The following UBE2QL1 variants were observed in gnomAD, a reference collection of about 807,000 sequenced individuals.
UBE2QL1 encodes the protein ubiquitin conjugating enzyme E2 QL1.
UBE2QL1 carries 5 observed loss-of-function variants against 12.6 expected under a neutral mutation model. The observed-to-expected ratio is 0.40, with a 90% confidence interval of 0.21 to 0.83. The LOEUF is 0.83. Among genes scored for constraint, UBE2QL1 ranks in the 40% least tolerant of loss-of-function variants. The pLI, the probability that UBE2QL1 is intolerant of heterozygous loss-of-function variation, is 0.37. For missense variants in UBE2QL1, 99 were observed against 222.6 expected, an observed-to-expected ratio of 0.44 and a Z score of 3.53; for synonymous variants, 96 against 94.5, an observed-to-expected ratio of 1.02 and a Z score of -0.10.
chr5:6,470,420 A>T (rs186859213), intron 1 of UBE2QL1, among the ~76,000 whole-genome samples: 250 of 152,332 alleles, frequency 1.6e-3, no homozygotes, highest in African/African-American at 5.8e-3. Flanking sequence ...TGATTATAGA[A>T]AATAGTACAT....
At position 6,492,543 on chromosome 5, in the gene UBE2QL1, C is replaced by T. The variant is rs968147151; in HGVS notation, c.*1194C>T. 2.0e-5 allele frequency: 3 copies of T among 152,164 alleles called. No individual in the cohort carries two copies. Among genetic ancestry groups the T allele is most frequent in the Non-Finnish European group, 4.4e-5 (3 of 68,036 alleles). 9.4% of individuals were successfully genotyped at this position (152,164 alleles called of 1,614,324 possible). On this transcript the variant is annotated 3_prime_UTR_variant, in exon 2 of 2. Coordinates refer to ENST00000399816, the MANE Select transcript of UBE2QL1 (RefSeq NM_001145161.3). ...AGGAAAGAAGTAAAAATGTTCATTC[C>T]AAGTGGCAAGTCTTATTGGACACAT...
chr5:6,475,494 T>G (rs1734211237), intron 1 of UBE2QL1, among the ~76,000 whole-genome samples: 1 of 152,224 alleles, frequency 6.6e-6, no homozygotes, highest in Admixed American at 6.5e-5. Context: ...CTGGGTTTCA[T>G]TTACATCACC....
intron 1 of UBE2QL1, among the ~76,000 whole-genome samples, chr5:6,463,395 G>A (rs272477): frequency 0.96 from 145,396 of 152,168 alleles, 69,802 homozygotes; most frequent in Middle Eastern, 1. Context: ...GGAGGCTGGC[G>A]TGTCCTTGGT....
chr5:6,466,028 C>T (rs1739782760), intron 1 of UBE2QL1, among the ~76,000 whole-genome samples: 2 of 152,142 alleles, frequency 1.3e-5, no homozygotes, highest in South Asian at 4.1e-4. Flanking sequence ...CCTCTATCCT[C>T]CCTTCCTGCC....
intron 1 of UBE2QL1, among the ~76,000 whole-genome samples, chr5:6,467,923 G>A (rs969109362): frequency 1.3e-5 from 2 of 151,912 alleles, no homozygotes; most frequent in African/African-American, 4.8e-5. Flanking sequence ...TCACTGTATC[G>A]CCTTTATCTC....
chr5:6,456,362 AC>A (rs1739522890), intron 1 of UBE2QL1, among the ~76,000 whole-genome samples: 1 of 152,178 alleles, frequency 6.6e-6, no homozygotes, highest in Non-Finnish European at 1.5e-5. Context: ...CTTAGAGGAA[AC>A]ACTCTACTTA....
At chr5:6,465,233 A>G (rs1037316437) in intron 1 of UBE2QL1, among the ~76,000 whole-genome samples, 1 of 152,146 alleles carries the variant, frequency 6.6e-6, no homozygotes, top group Non-Finnish European at 1.5e-5. Flanking sequence ...GTGATCTACC[A>G]TCCTTAGCCT....
At chr5:6,480,546 C>T (rs1424210710) in intron 1 of UBE2QL1, among the ~76,000 whole-genome samples, 3 of 152,178 alleles carry the variant, frequency 2.0e-5, no homozygotes, top group Admixed American at 6.5e-5. Flanking sequence ...CAAAAAATAA[C>T]CTTGAGAGGA....
intron 1 of UBE2QL1, among the ~76,000 whole-genome samples, chr5:6,486,461 G>A (rs568569678): frequency 1.4e-4 from 22 of 152,138 alleles, no homozygotes; most frequent in African/African-American, 5.1e-4. Context: ...GTAAACACCT[G>A]CCCACCTATG....
chr5:6,484,884 C>T lies in UBE2QL1; in HGVS notation c.355-6334C>T, dbSNP rs2126369882. 1.3e-5 allele frequency among the ~76,000 whole-genome samples: 2 copies of T among 152,170 alleles called. 1 individual carries two copies. The highest frequency in any genetic ancestry group is 4.2e-4 in the South Asian group (2 of 4,812). ...CTGTGCAAAGGGACCACCCATTAAACTGGCTCATGTGGCCTGGGGCTCCCT... is the reference window on the plus strand; with the variant it reads ...CTGTGCAAAGGGACCACCCATTAAATTGGCTCATGTGGCCTGGGGCTCCCT... On this transcript the variant is annotated intron_variant, in intron 1 of 1. Coordinates refer to ENST00000399816, the MANE Select transcript of UBE2QL1 (RefSeq NM_001145161.3).
In UBE2QL1 at chr5:6,478,655, G is replaced by T. The variant is rs965190450; in HGVS notation, c.355-12563G>T. 1.3e-5 allele frequency among the ~76,000 whole-genome samples: 2 copies of T among 150,072 alleles called. No individual in the cohort carries two copies. The highest frequency in any genetic ancestry group is 2.1e-4 in the South Asian group (1 of 4,762). On this transcript the variant is annotated intron_variant, in intron 1 of 1. Transcript: ENST00000399816. The surrounding 1 kb of genome is among the most constrained non-coding windows in gnomAD (Gnocchi z 4.5). ...TTTTTTGGACTTTAACAGCATCGCC[G>T]TACCTACTATCTGTGCTGAGAGAAC...
chr5:6,467,165 GCCTCCCTCCCTCCCTGCTCTCTCTC>G (rs1161094207), intron 1 of UBE2QL1, among the ~76,000 whole-genome samples: 1 of 151,678 alleles, frequency 6.6e-6, no homozygotes, highest in Non-Finnish European at 1.5e-5. Flanking sequence ...GTCTCTCTCT[GCCTCCCTCCCTCCCTGCTCTCTCTC>G]CCTCCCTCTC....
chr5:6,452,443 A>AT (rs1207759137), intron 1 of UBE2QL1, among the ~76,000 whole-genome samples: 1 of 151,992 alleles, frequency 6.6e-6, no homozygotes, highest in African/African-American at 2.4e-5. Context: ...GACTAGAGGC[A>AT]TTTTTAGGTA....
chr5:6,450,167 G>A (rs1426432888), intron 1 of UBE2QL1, among the ~76,000 whole-genome samples: 4 of 134,442 alleles, frequency 3.0e-5, no homozygotes, highest in Non-Finnish European at 4.6e-5. Flanking sequence ...CACCACCTCT[G>A]GGGTAGACGT....
intron 1 of UBE2QL1, among the ~76,000 whole-genome samples, chr5:6,490,702 G>A (rs1734551977): frequency 6.6e-6 from 1 of 152,190 alleles, no homozygotes; most frequent in African/African-American, 2.4e-5. Context: ...TTAAATATTA[G>A]TAGAAATATA....
intron 1 of UBE2QL1, among the ~76,000 whole-genome samples, chr5:6,489,925 C>T (rs1734536691): frequency 6.6e-6 from 1 of 152,204 alleles, no homozygotes; most frequent in South Asian, 2.1e-4. Flanking sequence ...AGCACCAGTG[C>T]CCCGAATTGG....
chr5:6,480,834 T>C (rs1325662977), intron 1 of UBE2QL1, among the ~76,000 whole-genome samples: 1 of 152,174 alleles, frequency 6.6e-6, no homozygotes, highest in Non-Finnish European at 1.5e-5. Context: ...TTTGTCATCC[T>C]GAGAGGTTTC....
chr5:6,454,754 G>A (rs939740505), intron 1 of UBE2QL1, among the ~76,000 whole-genome samples: 4 of 152,156 alleles, frequency 2.6e-5, no homozygotes, highest in African/African-American at 4.8e-5. Context: ...GGTGGGTAAC[G>A]CCATCTGATT....
intron 1 of UBE2QL1, among the ~76,000 whole-genome samples, chr5:6,464,134 G>A (rs187347343): frequency 7.2e-5 from 11 of 152,204 alleles, no homozygotes; most frequent in East Asian, 1.9e-4. Context: ...TGAGAATTAC[G>A]TAATTAAGTA....
Sources: allele counts gnomAD v4.1 joint callset (sites outside exome capture counted in the v4.1 genomes callset), GRCh38; gene constraint gnomAD v4.1.1; non-coding constraint Gnocchi (gnomAD v3.1); transcripts MANE v1.5; gene names NCBI Gene and HGNC (gene_info 2026-07-23, HGNC 2026-07-21).